PCDHA4: variants seen among roughly 807,000 people sequenced by gnomAD.
PCDHA4 encodes protocadherin alpha 4, also known as protocadherin alpha-4.
Under a neutral mutation model 61.4 loss-of-function variants are expected in PCDHA4, and 49 were observed. The observed-to-expected ratio is 0.80, with a 90% CI of 0.63 to 1.01. The LOEUF is 1.01. PCDHA4 is among the 50% of genes least tolerant of loss of function. The probability of loss-of-function intolerance (pLI) is 0.00; values close to 1 mark genes in which losing one functional copy is unlikely to be tolerated. For synonymous variants in PCDHA4, 590 were observed against 550.3 expected, an observed-to-expected ratio of 1.07 and a Z score of -1.01; for missense variants, 1,254 against 1,235.8, an observed-to-expected ratio of 1.01 and a Z score of -0.22.
chr5:140,880,707 G>A (rs1017608107), intron 1 of PCDHA4, among the ~76,000 whole-genome samples: 2 of 152,180 alleles, frequency 1.3e-5, no homozygotes, highest in East Asian at 3.8e-4. Context: ...TGACAATGTT[G>A]AGCAGCTTAA....
chr5:140,980,427 C>T (rs551274468), intron 2 of PCDHA4, among the ~76,000 whole-genome samples: 2 of 152,198 alleles, frequency 1.3e-5, no homozygotes, highest in South Asian at 2.1e-4. Flanking sequence ...GTCAAGAGAT[C>T]GAGACCATCC....
chr5:140,993,293 A>G (rs1445204823), intron 3 of PCDHA4, among the ~76,000 whole-genome samples: 1 of 152,062 alleles, frequency 6.6e-6, no homozygotes, highest in African/African-American at 2.4e-5. Flanking sequence ...CAGGGTCACA[A>G]CCTTGCCTCC....
At chr5:140,828,111 A>G (rs1769533134) in intron 1 of PCDHA4, 2 of 1,611,626 alleles carry the variant, frequency 1.2e-6, no homozygotes, top group East Asian at 2.2e-5. Flanking sequence ...ACCCCGGAGG[A>G]TAGATTGGGA....
In PCDHA4 at chr5:140,809,382, G is replaced by A. The variant is rs1554125176; in HGVS notation, c.2195G>A (p.Cys732Tyr). ...TCTGCGCTGCCCACCGAGGGCGCGT[G>A]CGCTCCGGGCAAGCCCACGCTGGTG... The part of the protein sequence containing the change: ...RCSALPTEGA[C>Y]APGKPTLVCS... The change falls in exon 1 of 4, where the codon TGC (cysteine) becomes TAC (tyrosine). Residue 732 changes from cysteine (C) to tyrosine (Y), a missense_variant. By Grantham distance (194) the Cys-to-Tyr change is radical (BLOSUM62 -2). Coordinates refer to ENST00000530339, the MANE Select transcript of PCDHA4 (RefSeq NM_018907.4). 3 of 1,614,046 alleles carry A rather than the reference G, an allele frequency of 1.9e-6. No individual in the cohort carries two copies. Among genetic ancestry groups the A allele is most frequent in the East Asian group, 4.5e-5 (2 of 44,870 alleles).
chr5:140,882,545 G>A (rs1174281421), intron 1 of PCDHA4: 4 of 1,614,238 alleles, frequency 2.5e-6, no homozygotes. Context: ...GATCGACCGC[G>A]AGGAGCTGTG....
intron 1 of PCDHA4, chr5:140,883,833 C>G: frequency 6.2e-7 from 1 of 1,612,590 alleles, no homozygotes; most frequent in Non-Finnish European, 8.5e-7. Flanking sequence ...GCGCTGCAGC[C>G]GTTGGACCAC....
At chr5:140,868,860 A>C (rs2050688614) in intron 1 of PCDHA4, 1 of 525,418 alleles carries the variant, frequency 1.9e-6, no homozygotes, top group Admixed American at 3.7e-5. Context: ...GTGGTGGTAA[A>C]TGCAGTGCAC....
intron 1 of PCDHA4, among the ~76,000 whole-genome samples, chr5:140,918,114 G>C (rs989175486): frequency 5.8e-4 from 89 of 152,144 alleles, no homozygotes; most frequent in African/African-American, 2.1e-3. Flanking sequence ...TCACATCCTT[G>C]ATTAGCCATA....
chr5:140,942,808 C>T (rs1175421349), intron 1 of PCDHA4, among the ~76,000 whole-genome samples: 1 of 151,920 alleles, frequency 6.6e-6, no homozygotes, highest in East Asian at 1.9e-4. Context: ...TTTCCACAAA[C>T]TAGTTGGATT....
At chr5:140,814,785 G>A (rs1269802125) in intron 1 of PCDHA4, 1 of 152,126 alleles carries the variant, frequency 6.6e-6, no homozygotes, top group Non-Finnish European at 1.5e-5. Context: ...TGGTTGAAAC[G>A]TTGTTATACA....
chr5:140,922,595 A>G (rs1554200883), intron 1 of PCDHA4, among the ~76,000 whole-genome samples: 1 of 152,216 alleles, frequency 6.6e-6, no homozygotes, highest in Non-Finnish European at 1.5e-5. Context: ...AGTTCTCATC[A>G]GTTGAAGATA....
intron 1 of PCDHA4, chr5:140,883,974 G>C: frequency 6.2e-7 from 1 of 1,612,962 alleles, no homozygotes; most frequent in Non-Finnish European, 8.5e-7. Context: ...CTGACGCCCG[G>C]GGCTGGCAGC....
intron 1 of PCDHA4, chr5:140,870,556 G>A (rs782048917): frequency 8.1e-6 from 13 of 1,614,038 alleles, no homozygotes; most frequent in Middle Eastern, 1.7e-4. Flanking sequence ...GGACGCGCAG[G>A]AGAACGCGCT....
At chr5:140,828,724 C>A (rs2150158258) in intron 1 of PCDHA4, 6 of 1,614,204 alleles carry the variant, frequency 3.7e-6, no homozygotes, top group Non-Finnish European at 5.1e-6. Flanking sequence ...ACAACTTATT[C>A]CTGACAGCCA....
chr5:140,976,887 C>T (rs933700917), intron 1 of PCDHA4, among the ~76,000 whole-genome samples: 2 of 152,150 alleles, frequency 1.3e-5, no homozygotes, highest in Non-Finnish European at 2.9e-5. Flanking sequence ...AATTAGGATA[C>T]ATGCAACAGT....
chr5:140,829,791 C>T (rs782412294), intron 1 of PCDHA4: 2 of 1,613,788 alleles, frequency 1.2e-6, no homozygotes, highest in South Asian at 2.2e-5. Context: ...GCGCTGCTGG[C>T]GCCTCGGGTG....
intron 1 of PCDHA4, among the ~76,000 whole-genome samples, chr5:140,937,132 GGTT>G (rs2091356684): frequency 6.6e-6 from 1 of 151,434 alleles, no homozygotes. Context: ...CCGCCTCCCG[GGTT>G]CATGCCATTC....
intron 1 of PCDHA4, chr5:140,851,460 T>A (rs1270613439): frequency 1.0e-5 from 9 of 901,620 alleles, no homozygotes; most frequent in Non-Finnish European, 1.2e-5. Flanking sequence ...GGAATCAAAT[T>A]ATGTCAATAA....
intron 1 of PCDHA4, among the ~76,000 whole-genome samples, chr5:140,887,146 G>A (rs1160453059): frequency 9.9e-5 from 15 of 151,600 alleles, no homozygotes; most frequent in Non-Finnish European, 2.1e-4. Context: ...GCCCAGGCTG[G>A]AGTACAGTGG....
Sources: allele counts gnomAD v4.1 joint callset (sites outside exome capture counted in the v4.1 genomes callset), GRCh38; gene constraint gnomAD v4.1.1; transcripts MANE v1.5; gene names NCBI Gene and HGNC (gene_info 2026-07-23, HGNC 2026-07-21).